SNTG2: variants seen among roughly 807,000 people sequenced by gnomAD.
SNTG2 encodes gamma-2-syntrophin.
In SNTG2, 74 loss-of-function variants were observed where a neutral mutation model predicts 70.9. The observed-to-expected ratio is 1.04, with a 90% CI of 0.86 to 1.27. The LOEUF is 1.27. Among genes scored for constraint, SNTG2 ranks in the 50% most tolerant of loss-of-function variants. The pLI, the probability that SNTG2 is intolerant of heterozygous loss-of-function variation, is 0.00. For synonymous variants in SNTG2, 278 were observed against 273.8 expected, an observed-to-expected ratio of 1.02 and a Z score of -0.15; for missense variants, 717 against 690.7, an observed-to-expected ratio of 1.04 and a Z score of -0.43.
chr2:1,288,007 C>T (rs898575351), intron 14 of SNTG2, among the ~76,000 whole-genome samples: 1 of 151,986 alleles, frequency 6.6e-6, no homozygotes, highest in Non-Finnish European at 1.5e-5. Context: ...CCTGGAACCT[C>T]GGACAAGTTT....
At chr2:1,242,847 G>T (rs1328664754) in intron 11 of SNTG2, 2 of 152,138 alleles carry the variant, frequency 1.3e-5, no homozygotes, top group African/African-American at 4.8e-5. Flanking sequence ...TATCAGAAAA[G>T]ATAAAAAATA....
chr2:1,267,258 A>G (rs1678789518), intron 13 of SNTG2, 107 bp from the exon 14 acceptor site: 1 of 1,035,224 alleles, frequency 9.7e-7, no homozygotes, highest in Non-Finnish European at 1.4e-6. Flanking sequence ...CACCCAGGAG[A>G]CCGTTTCCCA....
At position 1,272,463 on chromosome 2, in the gene SNTG2, TAAAA is replaced by T. The variant is rs577563977; in HGVS notation, c.1284+4911_1284+4914del. Among the ~76,000 whole-genome samples, 97 of 51,874 alleles carry T rather than the reference TAAAA, an allele frequency of 1.9e-3. 3 individuals are homozygous for T. Among genetic ancestry groups the T allele is most frequent in the Admixed American group, 2.7e-3 (12 of 4,448 alleles). 34.0% of individuals were successfully genotyped at this position (51,874 alleles called of 152,430 possible). A position where few individuals can be genotyped will look rare whatever the true frequency, so the allele number is the denominator to read the frequency against. On this transcript the variant is annotated intron_variant, in intron 14 of 16. Transcript: ENST00000308624. ...CTAACAGGCCACAGACTGGTACTGG[TAAAA>T]AAAAAAAAAAAAAAAAAAGGATTCT...
At chr2:955,117 T>A (rs546159665) in intron 1 of SNTG2, among the ~76,000 whole-genome samples, 1 of 152,384 alleles carries the variant, frequency 6.6e-6, no homozygotes, top group East Asian at 1.9e-4. Context: ...GCTAAACTGC[T>A]AAGTTTTAAT....
chr2:1,236,822 G>A (rs1361072667), intron 9 of SNTG2, among the ~76,000 whole-genome samples: 2 of 152,100 alleles, frequency 1.3e-5, no homozygotes, highest in Non-Finnish European at 2.9e-5. Context: ...TTAGAACATA[G>A]CTTAGTGATG....
intron 16 of SNTG2, among the ~76,000 whole-genome samples, chr2:1,317,568 G>A (rs1289269140): frequency 8.1e-6 from 1 of 123,774 alleles, no homozygotes. Context: ...GGATTCTGGA[G>A]CATGTAGCAT....
At chr2:1,021,102 A>C (rs538545885) in intron 1 of SNTG2, among the ~76,000 whole-genome samples, 118 of 152,288 alleles carry the variant, frequency 7.7e-4, no homozygotes, top group Non-Finnish European at 1.3e-3. Flanking sequence ...CACAGTAAGG[A>C]ATCGTGTTTT....
intron 1 of SNTG2, among the ~76,000 whole-genome samples, chr2:1,039,918 T>C (rs1278825700): frequency 6.6e-6 from 1 of 152,136 alleles, no homozygotes; most frequent in Non-Finnish European, 1.5e-5. Context: ...GCACACGCTG[T>C]GAACCTCTGG....
At chr2:1,213,888 G>C (rs983111577) in intron 9 of SNTG2, among the ~76,000 whole-genome samples, 1 of 151,552 alleles carries the variant, frequency 6.6e-6, no homozygotes, top group African/African-American at 2.4e-5. Flanking sequence ...TATAGTTTCA[G>C]GTCTTACATT....
chr2:1,081,089 A>G (rs961114629), intron 1 of SNTG2, among the ~76,000 whole-genome samples: 4 of 152,126 alleles, frequency 2.6e-5, no homozygotes, highest in Non-Finnish European at 5.9e-5. Flanking sequence ...TACGGCAAAC[A>G]GGTTGACTTT....
chr2:1,174,204 A>C (rs72766787), intron 8 of SNTG2, among the ~76,000 whole-genome samples: 7,604 of 152,248 alleles, frequency 0.05, 296 homozygotes, highest in East Asian at 0.21. Context: ...GCAGTCTTCC[A>C]TACTCCATTT....
intron 9 of SNTG2, among the ~76,000 whole-genome samples, chr2:1,222,027 G>GT (rs1675100696): frequency 6.7e-4 from 4 of 5,990 alleles, no homozygotes; most frequent in South Asian, 9.3e-3. Flanking sequence ...CTCTGTCTCT[G>GT]CCTATCTCTG....
intron 1 of SNTG2, among the ~76,000 whole-genome samples, chr2:966,607 T>G (rs113806244): frequency 0.01 from 1,534 of 152,310 alleles, 12 homozygotes; most frequent in Non-Finnish European, 0.018. Flanking sequence ...ATAAATAAGT[T>G]ATAAAATGAA....
Position 1,140,171 on chromosome 2 carries a change from A to G in SNTG2, c.411+2362A>G, listed in dbSNP as rs188077275. Among the ~76,000 whole-genome samples the G allele has an allele frequency of 4.7e-3, 723 of 152,300 alleles. 14 individuals carry two copies. The highest frequency in any genetic ancestry group is 2.9e-3 in the Non-Finnish European group (195 of 68,012). On this transcript the variant is annotated intron_variant, in intron 6 of 16. Coordinates refer to ENST00000308624, the MANE Select transcript of SNTG2 (RefSeq NM_018968.4). ...TGCAAAGAATCCTTTGTAATATAAA[A>G]ACTAGATTTACCTCCACAAAGTGAA...
intron 14 of SNTG2, among the ~76,000 whole-genome samples, chr2:1,282,117 G>T (rs1679573066): frequency 6.6e-6 from 1 of 152,144 alleles, no homozygotes; most frequent in South Asian, 2.1e-4. Context: ...TTAAACGTGT[G>T]CCCACCTTAC....
At chr2:1,064,630 G>T (rs768619212) in intron 1 of SNTG2, among the ~76,000 whole-genome samples, 2 of 152,030 alleles carry the variant, frequency 1.3e-5, no homozygotes, top group Non-Finnish European at 2.9e-5. Context: ...GATAGGAAAA[G>T]CTTTTATTCT....
intron 1 of SNTG2, among the ~76,000 whole-genome samples, chr2:1,079,651 C>T (rs988131997): frequency 5.3e-5 from 8 of 152,094 alleles, no homozygotes; most frequent in Admixed American, 6.5e-5. Context: ...GCACACCCTT[C>T]CCGTGTCCTC....
intron 16 of SNTG2, chr2:1,346,511 C>G (rs1341175524): frequency 1.3e-5 from 2 of 152,230 alleles, no homozygotes; most frequent in African/African-American, 4.8e-5. Flanking sequence ...CCAGGGGCAG[C>G]CAGGACATGA....
At chr2:1,278,149 G>C (rs1679343992) in intron 14 of SNTG2, among the ~76,000 whole-genome samples, 1 of 152,170 alleles carries the variant, frequency 6.6e-6, no homozygotes, top group South Asian at 2.1e-4. Context: ...AAGTTTCACG[G>C]TATAACATGC....
Sources: gnomAD v4.1 joint callset for allele counts (sites outside exome capture counted in the v4.1 genomes callset) on GRCh38, gnomAD v4.1.1 for gene constraint, MANE v1.5 for transcripts, NCBI Gene and HGNC (gene_info 2026-07-23, HGNC 2026-07-21) for gene names.